TSHZ2: variants seen among roughly 807,000 people sequenced by gnomAD.
TSHZ2 encodes teashirt zinc finger homeobox 2.
A neutral mutation model predicts 74.4 loss-of-function variants in TSHZ2; 21 were observed. That is an observed-to-expected ratio of 0.28 (90% CI 0.20 to 0.41). TSHZ2 has a LOEUF of 0.41. Among genes scored for constraint, TSHZ2 ranks in the 10% least tolerant of loss-of-function variants. The pLI is 1.00. For synonymous variants in TSHZ2, 540 were observed against 515.3 expected (o/e 1.05, Z -0.65); for missense variants, 1,244 against 1,293.5 (o/e 0.96, Z 0.59).
intron 1 of TSHZ2, among the ~76,000 whole-genome samples, chr20:53,034,447 A>G (rs1294774747): frequency 6.6e-6 from 1 of 152,222 alleles, no homozygotes; most frequent in Non-Finnish European, 1.5e-5. Context: ...GGGGATAAAG[A>G]GTGAGCAAGA....
At chr20:53,249,685 AG>A (rs943134004) in intron 1 of TSHZ2, among the ~76,000 whole-genome samples, 2 of 152,132 alleles carry the variant, frequency 1.3e-5, no homozygotes, top group Non-Finnish European at 2.9e-5. Flanking sequence ...GGGGTCAAGG[AG>A]GGGCAAGTAG....
chr20:53,127,943 G>A (rs1986993021), intron 1 of TSHZ2, among the ~76,000 whole-genome samples: 1 of 152,172 alleles, frequency 6.6e-6, no homozygotes, highest in Admixed American at 6.5e-5. Context: ...TCATGCTAAT[G>A]AGGGGAGAAA....
intron 2 of TSHZ2, among the ~76,000 whole-genome samples, chr20:53,323,784 G>A (rs1417082546): frequency 6.6e-6 from 1 of 151,794 alleles, no homozygotes; most frequent in Non-Finnish European, 1.5e-5. Context: ...CACCATGTTG[G>A]CCAGGCTGGT....
At chr20:53,104,561 T>A (rs181150423) in intron 1 of TSHZ2, among the ~76,000 whole-genome samples, 2 of 152,344 alleles carry the variant, frequency 1.3e-5, no homozygotes, top group Admixed American at 6.5e-5. Context: ...ATGTTAATGA[T>A]GTGACAGATC....
intron 1 of TSHZ2, among the ~76,000 whole-genome samples, chr20:53,222,182 A>G (rs1477138470): frequency 6.6e-6 from 1 of 151,980 alleles, no homozygotes; most frequent in Non-Finnish European, 1.5e-5. Context: ...CCAGCAGTCC[A>G]CTCTACCCCT....
chr20:53,138,813 A>T (rs1987317523), intron 1 of TSHZ2, among the ~76,000 whole-genome samples: 1 of 152,222 alleles, frequency 6.6e-6, no homozygotes, highest in Non-Finnish European at 1.5e-5. Context: ...AATCCCCAGC[A>T]CTAAGGAATC....
chr20:53,317,687 C>T (rs947998611), intron 2 of TSHZ2, among the ~76,000 whole-genome samples: 23 of 152,216 alleles, frequency 1.5e-4, no homozygotes, highest in African/African-American at 4.3e-4. Context: ...AGAAGAGTGT[C>T]GGCGTGAATT....
chr20:53,231,533 G>A (rs6022348), intron 1 of TSHZ2, among the ~76,000 whole-genome samples: 45,587 of 152,058 alleles, frequency 0.3, 7,021 homozygotes, highest in African/African-American at 0.36. Flanking sequence ...GAGAGTTGCT[G>A]GAGGGGAGAA....
chr20:53,211,509 TAAAA>T (rs5841934), intron 1 of TSHZ2, among the ~76,000 whole-genome samples: 1 of 141,036 alleles, frequency 7.1e-6, no homozygotes, highest in Non-Finnish European at 1.6e-5. Context: ...TTGCCTGAAA[TAAAA>T]AAAAAAAAGT....
intron 1 of TSHZ2, among the ~76,000 whole-genome samples, chr20:52,986,160 G>A (rs774521475): frequency 3.3e-5 from 5 of 151,930 alleles, no homozygotes; most frequent in Non-Finnish European, 5.9e-5. Context: ...GGGAGTCCTA[G>A]GCAGGCGGAT....
intron 2 of TSHZ2, among the ~76,000 whole-genome samples, chr20:53,341,201 C>A (rs891474478): frequency 5.9e-5 from 9 of 152,068 alleles, no homozygotes; most frequent in Non-Finnish European, 7.4e-5. Context: ...GAGGTAGATA[C>A]AAAATCAGAA....
At chr20:53,033,862 G>A (rs1036443318) in intron 1 of TSHZ2, among the ~76,000 whole-genome samples, 4 of 151,638 alleles carry the variant, frequency 2.6e-5, no homozygotes, top group African/African-American at 7.3e-5. Context: ...ATTTCACCAC[G>A]TCGGCCAGGT....
At chr20:53,467,455 A>G (rs1168450861) in intron 2 of TSHZ2, among the ~76,000 whole-genome samples, 2 of 152,230 alleles carry the variant, frequency 1.3e-5, no homozygotes, top group African/African-American at 2.4e-5. Context: ...ATACTGTACT[A>G]TATGCAATGC....
chr20:53,137,299 T>C lies in TSHZ2; in HGVS notation c.41-116200T>C, dbSNP rs535809713. On this transcript the variant is annotated intron_variant, in intron 1 of 2. Transcript: ENST00000371497. ...GATGGATAATATATTCGTGTTTCTT[T>C]TTTTTTTTTTTTTCATTCTAAACAC... Among the ~76,000 whole-genome samples the C allele has an allele frequency of 2.7e-5, 4 of 150,704 alleles. No homozygotes were observed. The South Asian group carries it at 8.5e-4, about 32-fold the overall frequency.
At chr20:52,985,393 T>C (rs1212348282) in intron 1 of TSHZ2, among the ~76,000 whole-genome samples, 2 of 152,198 alleles carry the variant, frequency 1.3e-5, no homozygotes, top group Admixed American at 6.5e-5. Flanking sequence ...TGGTGAATGG[T>C]ACATACATGG....
At chr20:53,356,673 A>G (rs1198375738) in intron 2 of TSHZ2, among the ~76,000 whole-genome samples, 1 of 152,134 alleles carries the variant, frequency 6.6e-6, no homozygotes, top group Non-Finnish European at 1.5e-5. Flanking sequence ...TGTCTTATGC[A>G]TGTCCATTTT....
At chr20:53,206,592 A>C (rs1352100304) in intron 1 of TSHZ2, 1 of 152,214 alleles carries the variant, frequency 6.6e-6, no homozygotes, top group Non-Finnish European at 1.5e-5. Flanking sequence ...TTTTTTGAAC[A>C]CTGTATACCC....
chr20:52,985,174 T>C (rs545316829), intron 1 of TSHZ2, among the ~76,000 whole-genome samples: 21 of 152,228 alleles, frequency 1.4e-4, no homozygotes, highest in Admixed American at 1.1e-3. Context: ...GGATGGATCT[T>C]GGAGTCTGAC....
At chr20:53,459,129 A>T (rs147659308) in intron 2 of TSHZ2, among the ~76,000 whole-genome samples, 1 of 151,928 alleles carries the variant, frequency 6.6e-6, no homozygotes, top group Non-Finnish European at 1.5e-5. Context: ...TTTCTGTCTC[A>T]TTGATCTGTC....
Sources: allele counts gnomAD v4.1 joint callset (sites outside exome capture counted in the v4.1 genomes callset), GRCh38; gene constraint gnomAD v4.1.1; transcripts MANE v1.5; gene names NCBI Gene and HGNC (gene_info 2026-07-23, HGNC 2026-07-21).